The following CDH4 variants were observed in gnomAD, a reference collection of about 807,000 sequenced individuals.
The protein encoded by CDH4 is cadherin 4, also known as cadherin-4.
CDH4 carries 33 observed loss-of-function variants against 86.0 expected under a neutral mutation model. The observed-to-expected ratio is 0.38, with a 90% confidence interval of 0.29 to 0.51. CDH4 has a LOEUF of 0.51. Ranked by LOEUF, CDH4 falls within the 20% of genes least tolerant of loss-of-function variation. The pLI, the probability that CDH4 is intolerant of heterozygous loss-of-function variation, is 0.86. For missense variants in CDH4, 1,114 were observed against 1,307.4 expected (o/e 0.85, Z 2.28); for synonymous variants, 555 against 549.4 (o/e 1.01, Z -0.14).
chr20:61,844,851 G>C, intron 5 of CDH4, 28 bp downstream of exon 5: 1 of 1,588,292 alleles, frequency 6.3e-7, no homozygotes, highest in Non-Finnish European at 8.6e-7. Flanking sequence ...GCTGAGAATG[G>C]GGCCCTGGGG....
intron 2 of CDH4, among the ~76,000 whole-genome samples, chr20:61,380,523 A>ACCCCCCCCCCCCCCCCCC (rs141105277): frequency 1.8e-4 from 27 of 148,836 alleles, no homozygotes; most frequent in African/African-American, 3.3e-4. Context: ...CCATCCTACA[A>ACCCCCCCCCCCCCCCCCC]ACCCCCCTGC....
At chr20:61,644,152 G>A (rs776949588) in intron 2 of CDH4, among the ~76,000 whole-genome samples, 1 of 152,204 alleles carries the variant, frequency 6.6e-6, no homozygotes, top group African/African-American at 2.4e-5. Flanking sequence ...AATATCAGGA[G>A]TGTGGAGGAG....
intron 2 of CDH4, among the ~76,000 whole-genome samples, chr20:61,651,112 G>T (rs925347060): frequency 6.6e-6 from 1 of 151,918 alleles, no homozygotes; most frequent in Admixed American, 6.5e-5. Context: ...CAGTGAGTTA[G>T]CACCGTGCTT....
intron 4 of CDH4, among the ~76,000 whole-genome samples, chr20:61,785,899 G>A (rs1978854693): frequency 6.6e-6 from 1 of 152,198 alleles, no homozygotes; most frequent in Non-Finnish European, 1.5e-5. Flanking sequence ...GGAGAATGAG[G>A]TAGGTTTCTT....
intron 2 of CDH4, among the ~76,000 whole-genome samples, chr20:61,566,334 T>C (rs944829836): frequency 1.3e-5 from 2 of 152,234 alleles, no homozygotes; most frequent in East Asian, 1.9e-4. Flanking sequence ...TGAAAGTGGT[T>C]GGAAAACATT....
intron 4 of CDH4, among the ~76,000 whole-genome samples, chr20:61,783,589 A>G (rs1331931780): frequency 6.9e-6 from 1 of 144,586 alleles, no homozygotes; most frequent in African/African-American, 2.6e-5. Flanking sequence ...TCCTCAGGAC[A>G]GTTCTCGAGG....
At chr20:61,820,213 A>C (rs1452270123) in intron 4 of CDH4, among the ~76,000 whole-genome samples, 1 of 151,920 alleles carries the variant, frequency 6.6e-6, no homozygotes, top group Admixed American at 6.6e-5. Flanking sequence ...AGCGGCTCTC[A>C]CTGGCTGCTG....
At chr20:61,306,311 G>C in intron 2 of CDH4, among the ~76,000 whole-genome samples, 1 of 150,728 alleles carries the variant, frequency 6.6e-6, no homozygotes, top group East Asian at 2.0e-4. Flanking sequence ...TTGCTACTGA[G>C]TGATGCCGGT....
chr20:61,897,536 A>C (rs545173773), intron 8 of CDH4, among the ~76,000 whole-genome samples: 3 of 152,254 alleles, frequency 2.0e-5, no homozygotes, highest in Admixed American at 2.0e-4. Context: ...ATGAGGACTG[A>C]CTAGCCACCA....
At position 61,778,836 on chromosome 20, in the gene CDH4, C is replaced by G. The variant is rs565635420; in HGVS notation, c.576+5654C>G. On this transcript the variant is annotated intron_variant, in intron 4 of 15. Transcript: ENST00000614565. ...GAGGGAGCAGCATTTAAAAGGTTAG[C>G]AGGACGCCCTCCCTGGTCCAGAATT... Among the ~76,000 whole-genome samples, 7 of 152,308 alleles carry G rather than the reference C, an allele frequency of 4.6e-5. 1 individual carries two copies. Among genetic ancestry groups the G allele is most frequent in the African/African-American group, 9.6e-5 (4 of 41,566 alleles).
At chr20:61,560,693 G>A (rs1289088233) in intron 2 of CDH4, among the ~76,000 whole-genome samples, 1 of 152,376 alleles carries the variant, frequency 6.6e-6, no homozygotes, top group Non-Finnish European at 1.5e-5. Flanking sequence ...CTGCCCAGCA[G>A]GGCTTAGCTT....
intron 2 of CDH4, among the ~76,000 whole-genome samples, chr20:61,278,881 C>T (rs1323199403): frequency 1.3e-5 from 2 of 152,206 alleles, no homozygotes; most frequent in Admixed American, 6.5e-5. Flanking sequence ...GACTTCTCTT[C>T]ATAGGTGGCA....
intron 6 of CDH4, among the ~76,000 whole-genome samples, chr20:61,870,289 A>C (rs1231942608): frequency 6.6e-6 from 1 of 152,204 alleles, no homozygotes; most frequent in African/African-American, 2.4e-5. Context: ...ACCCATGCAC[A>C]AAAGACCCTC....
At chr20:61,308,212 A>T (rs529005970) in intron 2 of CDH4, among the ~76,000 whole-genome samples, 2 of 152,370 alleles carry the variant, frequency 1.3e-5, no homozygotes, top group East Asian at 1.9e-4. Flanking sequence ...TATGTAGCAT[A>T]CATTGACACA....
chr20:61,571,904 C>T (rs1273452104), intron 2 of CDH4, among the ~76,000 whole-genome samples: 4 of 152,016 alleles, frequency 2.6e-5, no homozygotes, highest in African/African-American at 9.7e-5. Context: ...CTGTGCAGTA[C>T]ATGCTCATGT....
At chr20:61,648,358 G>T (rs1370138971) in intron 2 of CDH4, among the ~76,000 whole-genome samples, 4 of 152,180 alleles carry the variant, frequency 2.6e-5, no homozygotes, top group Admixed American at 2.6e-4. Flanking sequence ...TTATGTATAA[G>T]GACTCACTCC....
intron 2 of CDH4, among the ~76,000 whole-genome samples, chr20:61,462,063 C>A (rs1307336741): frequency 6.6e-6 from 1 of 152,222 alleles, no homozygotes; most frequent in Non-Finnish European, 1.5e-5. Context: ...AGAAAGTTGT[C>A]AAGGGTGGAT....
At position 61,703,432 on chromosome 20, in the gene CDH4, A is replaced by G. The variant is rs931908362; in HGVS notation, c.170-40131A>G. 1.3e-5 allele frequency among the ~76,000 whole-genome samples: 2 copies of G among 152,228 alleles called. No individual in the cohort carries two copies. Among genetic ancestry groups the G allele is most frequent in the Non-Finnish European group, 2.9e-5 (2 of 68,040 alleles). Reference sequence around the variant, plus strand: ...CAGGGGCATTTCATAAGGAGGGGACAGTGTGGCTGGGATATGGGCGGCCTT... The same window carrying G: ...CAGGGGCATTTCATAAGGAGGGGACGGTGTGGCTGGGATATGGGCGGCCTT... On this transcript the variant is annotated intron_variant, in intron 2 of 15. Coordinates refer to ENST00000614565, the MANE Select transcript of CDH4 (RefSeq NM_001794.5). This position sits in a 1 kb window ranked among gnomAD's most constrained non-coding sequence, Gnocchi z 4.3.
intron 2 of CDH4, among the ~76,000 whole-genome samples, chr20:61,548,536 T>C (rs1405962637): frequency 6.6e-6 from 1 of 152,152 alleles, no homozygotes; most frequent in Non-Finnish European, 1.5e-5. Context: ...AGCAGAATTC[T>C]TGGGGCAAGA....
Sources: gnomAD v4.1 joint callset for allele counts (sites outside exome capture counted in the v4.1 genomes callset) on GRCh38, gnomAD v4.1.1 for gene constraint, Gnocchi (gnomAD v3.1) non-coding constraint, MANE v1.5 for transcripts, NCBI Gene and HGNC (gene_info 2026-07-23, HGNC 2026-07-21) for gene names.